Variants in FBXW8 observed in about 807,000 individuals in gnomAD.
FBXW8 encodes F-box/WD repeat-containing protein 8.
Under a neutral mutation model 65.3 loss-of-function variants are expected in FBXW8, and 57 were observed. The observed-to-expected ratio is 0.87, with a 90% CI of 0.71 to 1.09. The LOEUF (loss-of-function observed/expected upper bound fraction) is 1.09, where lower values mean the gene tolerates loss of function less well. Ranked by LOEUF, FBXW8 falls within the 50% of genes least tolerant of loss-of-function variation. FBXW8 has a pLI of 0.00. For synonymous variants in FBXW8, 308 were observed against 330.2 expected, an observed-to-expected ratio of 0.93 and a Z score of 0.73; for missense variants, 777 against 814.8, an observed-to-expected ratio of 0.95 and a Z score of 0.57.
In FBXW8 at chr12:116,985,240, G is replaced by A; in HGVS notation, c.870G>A (p.Lys290=). ...ATATTTGGGATTTAAGGACCGGAAA[G>A]TACCCTGTTCATCGTTTTGAGCACG... ...FLNIWDLRTG[K]YPVHRFEHDA... is the part of the protein sequence containing the mutation. Residue 290 remains lysine (K), a synonymous_variant, in exon 6 of 11, where the codon AAG becomes AAA. Coordinates refer to ENST00000652555, the MANE Select transcript of FBXW8 (RefSeq NM_153348.3). The A allele has an allele frequency of 6.2e-7, 1 of 1,612,984 alleles. No homozygotes were observed. Among genetic ancestry groups the A allele is most frequent in the South Asian group, 1.1e-5 (1 of 90,648 alleles).
intron 8 of FBXW8, among the ~76,000 whole-genome samples, chr12:117,010,834 G>A (rs1410120326): frequency 6.6e-6 from 1 of 152,216 alleles, no homozygotes; most frequent in African/African-American, 2.4e-5. Flanking sequence ...AGCAAAATAG[G>A]GTTTCCTGCC....
chr12:116,985,075 G>C, intron 5 of FBXW8, 131 bp from the exon 6 acceptor site: 2 of 655,670 alleles, frequency 3.1e-6, no homozygotes, highest in Non-Finnish European at 5.2e-6. Context: ...AAGTGATTTC[G>C]TGTTTAGACT....
At chr12:116,981,653 AC>A (rs1885313056) in intron 5 of FBXW8, among the ~76,000 whole-genome samples, 1 of 151,362 alleles carries the variant, frequency 6.6e-6, no homozygotes, top group Non-Finnish European at 1.5e-5. Context: ...TCACTCCGTC[AC>A]CCAGGCTGGA....
intron 7 of FBXW8, 68 bp downstream of exon 7, chr12:116,988,937 AAAATT>A (rs1953170431): frequency 1.4e-6 from 2 of 1,445,712 alleles, no homozygotes; most frequent in Admixed American, 1.8e-5. Flanking sequence ...AGGGAATTGA[AAAATT>A]AAAGCTCTTC....
intron 1 of FBXW8, among the ~76,000 whole-genome samples, chr12:116,914,399 G>A (rs942216486): frequency 6.7e-6 from 1 of 150,044 alleles, no homozygotes; most frequent in Non-Finnish European, 1.5e-5. Context: ...CCTGGGCAAC[G>A]TAGAGAAACC....
intron 7 of FBXW8, among the ~76,000 whole-genome samples, chr12:117,005,735 C>T (rs188789015): frequency 1.0e-3 from 153 of 152,304 alleles, no homozygotes; most frequent in African/African-American, 3.4e-3. Context: ...CTGGAGTGGA[C>T]GGAAAAGAAG....
chr12:116,964,961 G>A, intron 5 of FBXW8, 107 bp downstream of exon 5: 1 of 1,147,274 alleles, frequency 8.7e-7, no homozygotes, highest in Non-Finnish European at 1.2e-6. Context: ...GTACACGTGG[G>A]CACACACACA....
At chr12:116,952,628 A>G (rs190943279) in intron 4 of FBXW8, among the ~76,000 whole-genome samples, 40 of 152,336 alleles carry the variant, frequency 2.6e-4, no homozygotes, top group African/African-American at 8.7e-4. Context: ...GTTTCACTGA[A>G]ACATTTTTTG....
intron 5 of FBXW8, among the ~76,000 whole-genome samples, chr12:116,973,836 A>G (rs1047004343): frequency 6.6e-6 from 1 of 152,252 alleles, no homozygotes; most frequent in African/African-American, 2.4e-5. Context: ...AAGTTCTTGC[A>G]GCTTTTCTGT....
chr12:116,995,061 A>G (rs1176377964), intron 7 of FBXW8, among the ~76,000 whole-genome samples: 1 of 152,188 alleles, frequency 6.6e-6, no homozygotes, highest in Non-Finnish European at 1.5e-5. Flanking sequence ...ATATACAGAG[A>G]TCTGACTGGT....
chr12:116,971,275 C>T (rs1170850935), intron 5 of FBXW8, among the ~76,000 whole-genome samples: 1 of 151,594 alleles, frequency 6.6e-6, no homozygotes, highest in Non-Finnish European at 1.5e-5. Context: ...GGGAGGATCA[C>T]TTGAGCCCTG....
chr12:116,996,920 T>C (rs1443103481), intron 7 of FBXW8, among the ~76,000 whole-genome samples: 2 of 152,154 alleles, frequency 1.3e-5, no homozygotes, highest in Non-Finnish European at 2.9e-5. Flanking sequence ...GACTTGGCGA[T>C]GTAAAGGAGG....
rs7967961 is a variant in FBXW8, at chr12:116,964,906, A to T, written c.835+52A>T. 3,112 of 1,526,778 alleles carry T rather than the reference A, an allele frequency of 2.0e-3. 59 individuals are homozygous for T. The African/African-American group carries it at 0.039, about 19-fold the overall frequency. 94.6% of individuals were successfully genotyped at this position (1,526,778 alleles called of 1,614,324 possible). On this transcript the variant is annotated intron_variant, in intron 5 of 10. Coordinates refer to ENST00000652555, the MANE Select transcript of FBXW8 (RefSeq NM_153348.3). Reference sequence around the variant, plus strand: ...TTAAGGAAAAAAAAAAGCTTTACAAAAATTAAGCAGCTGTGGCCGGCTCCC... The same window carrying T: ...TTAAGGAAAAAAAAAAGCTTTACAATAATTAAGCAGCTGTGGCCGGCTCCC...
chr12:117,010,143 C>G (rs1203911232), intron 7 of FBXW8, among the ~76,000 whole-genome samples, 180 bp from the exon 8 acceptor site: 5 of 152,212 alleles, frequency 3.3e-5, no homozygotes, highest in Admixed American at 3.3e-4. Flanking sequence ...TTTTGGCACT[C>G]TTAATAGCCA....
In FBXW8 at chr12:116,961,933, G is replaced by A. The variant is rs1166497268; in HGVS notation, c.678-2764G>A. On this transcript the variant is annotated intron_variant, in intron 4 of 10. Coordinates refer to ENST00000652555, the MANE Select transcript of FBXW8 (RefSeq NM_153348.3). This position sits in a 1 kb window ranked among gnomAD's most constrained non-coding sequence, Gnocchi z 4.4. ...GAGCCTGTAGTAGTCGGGTGTGAAT[G>A]TGAGGTGTTGGGGGATTTGGACCAG... 6.6e-6 allele frequency among the ~76,000 whole-genome samples: 1 copy of A among 152,170 alleles called. No homozygotes were observed. The highest frequency in any genetic ancestry group is 1.5e-5 in the Non-Finnish European group (1 of 68,026).
intron 7 of FBXW8, among the ~76,000 whole-genome samples, chr12:117,007,828 C>T (rs1229693887): frequency 3.3e-5 from 5 of 151,942 alleles, no homozygotes; most frequent in East Asian, 3.9e-4. Context: ...AGAGAGAGTG[C>T]GTGGGAGGGA....
intron 9 of FBXW8, among the ~76,000 whole-genome samples, chr12:117,026,118 T>C (rs1401602751): frequency 6.6e-6 from 1 of 152,272 alleles, no homozygotes; most frequent in Non-Finnish European, 1.5e-5. Flanking sequence ...GTCACTGTCA[T>C]GTACCTCCCG....
chr12:116,994,787 C>T (rs1024191890), intron 7 of FBXW8, among the ~76,000 whole-genome samples: 2 of 152,202 alleles, frequency 1.3e-5, no homozygotes, highest in Non-Finnish European at 2.9e-5. Flanking sequence ...TGGCTCCCTA[C>T]GGATGGATGC....
chr12:116,964,919 G>A (rs1171611451), intron 5 of FBXW8, 65 bp downstream of exon 5: 14 of 1,504,252 alleles, frequency 9.3e-6, no homozygotes, highest in Non-Finnish European at 1.2e-5. Flanking sequence ...TTAAGCAGCT[G>A]TGGCCGGCTC....
Sources: allele counts gnomAD v4.1 joint callset (sites outside exome capture counted in the v4.1 genomes callset), GRCh38; gene constraint gnomAD v4.1.1; non-coding constraint Gnocchi (gnomAD v3.1); transcripts MANE v1.5; gene names NCBI Gene and HGNC (gene_info 2026-07-23, HGNC 2026-07-21).